NDUFS4: variants seen among roughly 807,000 people sequenced by gnomAD.
The protein encoded by NDUFS4 is NADH dehydrogenase [ubiquinone] iron-sulfur protein 4, mitochondrial.
NDUFS4 carries 28 observed loss-of-function variants against 24.3 expected under a neutral mutation model. The observed-to-expected ratio is 1.15, with a 90% confidence interval of 0.85 to 1.58. The LOEUF (loss-of-function observed/expected upper bound fraction) is 1.58, where lower values mean the gene tolerates loss of function less well. Among genes scored for constraint, NDUFS4 ranks in the 40% most tolerant of loss-of-function variants. The pLI is 0.00. For missense variants in NDUFS4, 223 were observed against 207.9 expected, an observed-to-expected ratio of 1.07 and a Z score of -0.45; for synonymous variants, 93 against 69.7, an observed-to-expected ratio of 1.34 and a Z score of -1.67.
intron 1 of NDUFS4, among the ~76,000 whole-genome samples, chr5:53,597,367 C>T (rs1249709678): frequency 1.3e-5 from 2 of 152,092 alleles, no homozygotes; most frequent in African/African-American, 2.4e-5. Context: ...CACAGAGCTC[C>T]GATTTTAGGA....
chr5:53,610,852 C>T (rs1209937494), intron 2 of NDUFS4, among the ~76,000 whole-genome samples: 1 of 152,040 alleles, frequency 6.6e-6, no homozygotes, highest in East Asian at 1.9e-4. Flanking sequence ...AGATGTGGTG[C>T]AGGTTGTGGT....
intron 1 of NDUFS4, among the ~76,000 whole-genome samples, chr5:53,583,109 C>G (rs1375651279): frequency 6.6e-6 from 1 of 152,124 alleles, no homozygotes; most frequent in African/African-American, 2.4e-5. Flanking sequence ...GATTTCCTGA[C>G]CTCATGATCC....
intron 2 of NDUFS4, among the ~76,000 whole-genome samples, chr5:53,605,236 A>G (rs1750462004): frequency 6.6e-6 from 1 of 152,166 alleles, no homozygotes; most frequent in Non-Finnish European, 1.5e-5. Flanking sequence ...ACAAAACAAA[A>G]GAAATGAGGC....
chr5:53,595,873 A>G (rs971827085), intron 1 of NDUFS4, among the ~76,000 whole-genome samples: 9 of 152,314 alleles, frequency 5.9e-5, no homozygotes, highest in Non-Finnish European at 7.3e-5. Flanking sequence ...AATGAGAAAA[A>G]TAATCCTTAC....
At chr5:53,630,303 G>T (rs901332582) in intron 2 of NDUFS4, among the ~76,000 whole-genome samples, 3 of 151,930 alleles carry the variant, frequency 2.0e-5, no homozygotes, top group South Asian at 4.2e-4. Flanking sequence ...TTCTCTGGCT[G>T]CCCTTAACAT....
intron 1 of NDUFS4, among the ~76,000 whole-genome samples, chr5:53,592,488 T>C (rs574769905): frequency 6.6e-5 from 10 of 152,310 alleles, no homozygotes; most frequent in African/African-American, 2.2e-4. Flanking sequence ...TCACCTAGAT[T>C]TTCTCTTACA....
chr5:53,610,476 GAGCACACACC>G (rs1750660362), intron 2 of NDUFS4, among the ~76,000 whole-genome samples: 1 of 151,906 alleles, frequency 6.6e-6, no homozygotes, highest in Non-Finnish European at 1.5e-5. Flanking sequence ...GACTTGAAAT[GAGCACACACC>G]AGTAGACCTC....
intron 1 of NDUFS4, among the ~76,000 whole-genome samples, chr5:53,595,621 G>A (rs2054970): frequency 0.16 from 24,993 of 151,718 alleles, 2,289 homozygotes; most frequent in Non-Finnish European, 0.21. Flanking sequence ...TACATTTTCC[G>A]TCACACCCTC....
intron 4 of NDUFS4, among the ~76,000 whole-genome samples, chr5:53,661,014 A>G (rs1290351442): frequency 6.6e-6 from 1 of 152,018 alleles, no homozygotes; most frequent in African/African-American, 2.4e-5. Flanking sequence ...ATTAGATCCC[A>G]TTTGTCAATT....
intron 4 of NDUFS4, among the ~76,000 whole-genome samples, chr5:53,680,804 C>A (rs1740640181): frequency 6.6e-6 from 1 of 152,006 alleles, no homozygotes. Flanking sequence ...ATGTAACTAA[C>A]CTGCACATTG....
chr5:53,631,415 C>T (rs1298365376), intron 2 of NDUFS4, among the ~76,000 whole-genome samples: 2 of 152,152 alleles, frequency 1.3e-5, no homozygotes, highest in African/African-American at 4.8e-5. Context: ...GAATGCTGTG[C>T]TGGGAGAACC....
chr5:53,605,943 G>A (rs573045593), intron 2 of NDUFS4, among the ~76,000 whole-genome samples: 19 of 151,836 alleles, frequency 1.3e-4, no homozygotes, highest in African/African-American at 4.6e-4. Context: ...GAACCTGGGA[G>A]GCAGAGCTTG....
chr5:53,577,407 G>T (rs1171145730), intron 1 of NDUFS4, among the ~76,000 whole-genome samples: 1 of 152,128 alleles, frequency 6.6e-6, no homozygotes, highest in Non-Finnish European at 1.5e-5. Flanking sequence ...TGACACATGG[G>T]CCAAGGGAGT....
intron 2 of NDUFS4, among the ~76,000 whole-genome samples, chr5:53,626,820 C>T (rs1751242118): frequency 6.6e-6 from 1 of 152,112 alleles, no homozygotes; most frequent in South Asian, 2.1e-4. Flanking sequence ...CATTTTCTCC[C>T]ATTCTGTAGG....
rs188920016 is a variant in NDUFS4, at chr5:53,578,318, A to G, written c.98+17558A>G. On this transcript the variant is annotated intron_variant, in intron 1 of 4. Transcript: ENST00000296684. Reference sequence around the variant, plus strand: ...GGTTCTAGATTTAGTTTTTTGGCTTAAAGTTCAAATTCTTATTGTGGCCAA... The same window carrying G: ...GGTTCTAGATTTAGTTTTTTGGCTTGAAGTTCAAATTCTTATTGTGGCCAA... 3.4e-3 allele frequency among the ~76,000 whole-genome samples: 522 copies of G among 152,262 alleles called. 1 individual carries two copies. The highest frequency in any genetic ancestry group is 4.7e-3 in the Non-Finnish European group (323 of 68,022).
At chr5:53,618,517 A>C (rs1190928263) in intron 2 of NDUFS4, among the ~76,000 whole-genome samples, 1 of 152,072 alleles carries the variant, frequency 6.6e-6, no homozygotes, top group Non-Finnish European at 1.5e-5. Flanking sequence ...TGTGTTAGTC[A>C]TGTGTGTATA....
intron 3 of NDUFS4, among the ~76,000 whole-genome samples, chr5:53,655,366 ATTT>A (rs562996240): frequency 2.4e-4 from 28 of 117,274 alleles, no homozygotes; most frequent in East Asian, 2.7e-4. Flanking sequence ...AGTTTTGCCT[ATTT>A]TTTTTTTTTT....
chr5:53,616,268 G>A (rs11956779), intron 2 of NDUFS4, among the ~76,000 whole-genome samples: 64,037 of 151,470 alleles, frequency 0.42, 14,365 homozygotes, highest in Admixed American at 0.5. Context: ...TATGAACAAA[G>A]CACAACAACC....
At chr5:53,566,019 A>G (rs745703607) in intron 1 of NDUFS4, among the ~76,000 whole-genome samples, 6 of 151,384 alleles carry the variant, frequency 4.0e-5, no homozygotes, top group African/African-American at 1.2e-4. Flanking sequence ...TAAAAAATAC[A>G]ATAATTAGCC....
Sources: allele counts gnomAD v4.1 joint callset (sites outside exome capture counted in the v4.1 genomes callset), GRCh38; gene constraint gnomAD v4.1.1; transcripts MANE v1.5; gene names NCBI Gene and HGNC (gene_info 2026-07-23, HGNC 2026-07-21).